Variants in LSM8 observed in about 807,000 individuals in gnomAD.
The protein encoded by LSM8 is LSM8 homolog, U6 small nuclear RNA associated, also known as LSM8 U6 small nuclear RNA associated.
Under a neutral mutation model 15.0 loss-of-function variants are expected in LSM8, and 14 were observed. That is an observed-to-expected ratio of 0.93 (90% CI 0.62 to 1.46). The LOEUF (loss-of-function observed/expected upper bound fraction) is 1.46, where lower values mean the gene tolerates loss of function less well. Among genes scored for constraint, LSM8 ranks in the 40% most tolerant of loss-of-function variants. LSM8 has a pLI of 0.00. For missense variants in LSM8, 90 were observed against 115.4 expected (o/e 0.78, Z 1.01); for synonymous variants, 50 against 42.1 (o/e 1.19, Z -0.73).
Position 118,201,301 on chromosome 7 carries a change from A to G in LSM8, c.*9299A>G, listed in dbSNP as rs1226866439. Among the ~76,000 whole-genome samples the G allele has an allele frequency of 3.9e-5, 6 of 152,064 alleles. No homozygotes were observed. Among genetic ancestry groups the G allele is most frequent in the Non-Finnish European group, 8.8e-5 (6 of 67,988 alleles). On this transcript the variant is annotated 3_prime_UTR_variant, in exon 4 of 4. Coordinates refer to ENST00000249299, the MANE Select transcript of LSM8 (RefSeq NM_016200.5). The stretch of plus-strand genomic sequence containing the variant: ...TAATACTAAGTATGTGTGAGCCTGG[A>G]GCTGCCATGGAGCATGTAGAGAGAG...
Position 118,195,491 on chromosome 7 carries a change from T to G in LSM8, c.*3489T>G, listed in dbSNP as rs1809063726. ...TCAGCTTTTTAAGCGTCTGTCCCAC[T>G]GACTACCATATCTCTACAAGAGAAT... On this transcript the variant is annotated 3_prime_UTR_variant, in exon 4 of 4. Transcript: ENST00000249299. Among the ~76,000 whole-genome samples, 1 of 152,212 alleles carries G rather than the reference T, an allele frequency of 6.6e-6. No individual in the cohort carries two copies. The highest frequency in any genetic ancestry group is 2.4e-5 in the African/African-American group (1 of 41,462).
At position 118,194,008 on chromosome 7, in the gene LSM8, A is replaced by G. The variant is rs1225949635; in HGVS notation, c.*2006A>G. 6.6e-6 allele frequency among the ~76,000 whole-genome samples: 1 copy of G among 152,152 alleles called. No individual in the cohort carries two copies. Among genetic ancestry groups the G allele is most frequent in the African/African-American group, 2.4e-5 (1 of 41,450 alleles). On this transcript the variant is annotated 3_prime_UTR_variant, in exon 4 of 4. Coordinates refer to ENST00000249299, the MANE Select transcript of LSM8 (RefSeq NM_016200.5). ...ATGAATAGTTACAGAGGATGTGATG[A>G]CAATATGCCAGATAATCTATGTAAT...
chr7:118,189,220 A>C (rs1004744003), intron 3 of LSM8: 1 of 151,476 alleles, frequency 6.6e-6, no homozygotes, highest in East Asian at 1.9e-4. Context: ...AGATCACCCT[A>C]CTGCACTCCA....
chr7:118,199,644 A>G lies in LSM8; in HGVS notation c.*7642A>G, dbSNP rs139042471. Among the ~76,000 whole-genome samples, 812 of 152,270 alleles carry G rather than the reference A, an allele frequency of 5.3e-3. 1 individual carries two copies. Among genetic ancestry groups the G allele is most frequent in the Non-Finnish European group, 8.3e-3 (563 of 68,014 alleles). On this transcript the variant is annotated 3_prime_UTR_variant, in exon 4 of 4. Coordinates refer to ENST00000249299, the MANE Select transcript of LSM8 (RefSeq NM_016200.5). ...AAGTAACTTTGCAACAATCTGTTCA[A>G]CAATGAGAGTTACCAAATGCCAGAC... is the stretch of plus-strand genomic sequence containing the variant.
At chr7:118,186,570 G>A (rs1808893282) in intron 2 of LSM8, among the ~76,000 whole-genome samples, 1 of 151,926 alleles carries the variant, frequency 6.6e-6, no homozygotes, top group Non-Finnish European at 1.5e-5. Flanking sequence ...CATGTGCCAG[G>A]TGCATATATG....
In LSM8 at chr7:118,195,912, T is replaced by A. The variant is rs1215732549; in HGVS notation, c.*3910T>A. Among the ~76,000 whole-genome samples the A allele has an allele frequency of 1.3e-5, 2 of 152,140 alleles. No individual in the cohort carries two copies. Among genetic ancestry groups the A allele is most frequent in the East Asian group, 3.8e-4 (2 of 5,196 alleles). ...TGCTCCCATTAAACTAGCGACAAAT[T>A]CATTTAATTGTGAGATATCTAGTAC... On this transcript the variant is annotated 3_prime_UTR_variant, in exon 4 of 4. Transcript: ENST00000249299.
intron 2 of LSM8, among the ~76,000 whole-genome samples, chr7:118,185,969 C>T (rs1182567420): frequency 6.6e-6 from 1 of 152,128 alleles, no homozygotes; most frequent in Non-Finnish European, 1.5e-5. Context: ...TTTTCTTCTT[C>T]CATTTTTATT....
chr7:118,190,049 C>G (rs569164785), intron 3 of LSM8: 3 of 152,254 alleles, frequency 2.0e-5, no homozygotes, highest in African/African-American at 7.2e-5. Flanking sequence ...GCAAAAGATA[C>G]ATTAGCAATT....
At position 118,193,974 on chromosome 7, in the gene LSM8, A is replaced by G. The variant is rs1809032487; in HGVS notation, c.*1972A>G. ...AAAAAGCATTCCCAAAATGTGAATT[A>G]TTGTTTTTATGAATAGTTACAGAGG... is the stretch of plus-strand genomic sequence containing the variant. On this transcript the variant is annotated 3_prime_UTR_variant, in exon 4 of 4. Coordinates refer to ENST00000249299, the MANE Select transcript of LSM8 (RefSeq NM_016200.5). Among the ~76,000 whole-genome samples, 1 of 152,096 alleles carries G rather than the reference A, an allele frequency of 6.6e-6. No individual in the cohort carries two copies. Among genetic ancestry groups the G allele is most frequent in the South Asian group, 2.1e-4 (1 of 4,834 alleles).
rs965589738 is a variant in LSM8 at position 118,198,264 on chromosome 7, AGAT to A, written c.*6263_*6265del. 1.3e-5 allele frequency among the ~76,000 whole-genome samples: 2 copies of A among 152,204 alleles called. No individual in the cohort carries two copies. The highest frequency in any genetic ancestry group is 2.4e-5 in the African/African-American group (1 of 41,462). On this transcript the variant is annotated 3_prime_UTR_variant, in exon 4 of 4. Coordinates refer to ENST00000249299, the MANE Select transcript of LSM8 (RefSeq NM_016200.5). ...AAGGTTAGATTTCTTTGGTGTGAAA[AGAT>A]AAATGAGAAATGAGAATATGCCAGA...
chr7:118,193,929 A>G lies in LSM8; in HGVS notation c.*1927A>G, dbSNP rs1809032033. Reference sequence around the variant, plus strand: ...AATCTGAAACACCTTATAAAGCTGTATTTTCCTGATTGATGTTGGAAAAAG... The same window carrying G: ...AATCTGAAACACCTTATAAAGCTGTGTTTTCCTGATTGATGTTGGAAAAAG... On this transcript the variant is annotated 3_prime_UTR_variant, in exon 4 of 4. Transcript: ENST00000249299. Among the ~76,000 whole-genome samples, 1 of 152,076 alleles carries G rather than the reference A, an allele frequency of 6.6e-6. No individual in the cohort carries two copies. The highest frequency in any genetic ancestry group is 1.5e-5 in the Non-Finnish European group (1 of 67,946).
At chr7:118,188,489 A>T (rs148071214) in intron 3 of LSM8, 84 bp downstream of exon 3, 20 of 1,226,404 alleles carry the variant, frequency 1.6e-5, no homozygotes, top group Non-Finnish European at 4.6e-6. Context: ...ACCCTACTGT[A>T]TTGTCCATAC....
chr7:118,193,027 A>G lies in LSM8; in HGVS notation c.*1025A>G, dbSNP rs1271433905. ...TCTTTGTGATGAGAAGAACATAGAA[A>G]AATATTTACATCCTTGTAATTGAAA... On this transcript the variant is annotated 3_prime_UTR_variant, in exon 4 of 4. Transcript: ENST00000249299. Among the ~76,000 whole-genome samples, 3 of 152,170 alleles carry G rather than the reference A, an allele frequency of 2.0e-5. No homozygotes were observed. Among genetic ancestry groups the G allele is most frequent in the Non-Finnish European group, 4.4e-5 (3 of 67,990 alleles).
At position 118,196,018 on chromosome 7, in the gene LSM8, G is replaced by T. The variant is rs1195256324; in HGVS notation, c.*4016G>T. 1.3e-5 allele frequency among the ~76,000 whole-genome samples: 2 copies of T among 152,174 alleles called. No individual in the cohort carries two copies. The highest frequency in any genetic ancestry group is 2.9e-5 in the Non-Finnish European group (2 of 68,032). On this transcript the variant is annotated 3_prime_UTR_variant, in exon 4 of 4. Coordinates refer to ENST00000249299, the MANE Select transcript of LSM8 (RefSeq NM_016200.5). ...GATGTGATCTTCATTCCTCTGTATA[G>T]TGGGAAACCATGAGACGTGCTTAGT...
Position 118,195,292 on chromosome 7 carries a change from A to G in LSM8, c.*3290A>G, listed in dbSNP as rs750475193. Among the ~76,000 whole-genome samples, 7 of 152,234 alleles carry G rather than the reference A, an allele frequency of 4.6e-5. No individual in the cohort carries two copies. The highest frequency in any genetic ancestry group is 2.9e-5 in the Non-Finnish European group (2 of 68,034). The stretch of plus-strand genomic sequence containing the variant: ...ACCCCACAGAATTGATTTCAAACAC[A>G]GGATCTTATTCAAGATAAGGATAAT... On this transcript the variant is annotated 3_prime_UTR_variant, in exon 4 of 4. Coordinates refer to ENST00000249299, the MANE Select transcript of LSM8 (RefSeq NM_016200.5).
At chr7:118,189,536 A>C (rs1187469215) in intron 3 of LSM8, 2 of 151,656 alleles carry the variant, frequency 1.3e-5, no homozygotes, top group Admixed American at 1.3e-4. Flanking sequence ...CAACAAGAGC[A>C]AAACTCCGTG....
chr7:118,196,723 T>TATTC lies in LSM8; in HGVS notation c.*4724_*4725insCATT, dbSNP rs1242118302. ...ATTTTTATTTATTTATTTATTTATT[T>TATTC]ATTTATTTATTTATTTATTTATTTT... On this transcript the variant is annotated 3_prime_UTR_variant, in exon 4 of 4. Transcript: ENST00000249299. Among the ~76,000 whole-genome samples, 1 of 147,842 alleles carries TATTC rather than the reference T, an allele frequency of 6.8e-6. No homozygotes were observed. Among genetic ancestry groups the TATTC allele is most frequent in the Non-Finnish European group, 1.5e-5 (1 of 66,906 alleles).
At position 118,188,299 on chromosome 7, in the gene LSM8, C is replaced by T. The variant is rs1808918854; in HGVS notation, c.94C>T (p.Gln32Ter). Residue 32 changes from glutamine (Q) to a stop codon, truncating the protein, a stop_gained, in exon 3 of 4, where the codon CAG (glutamine) becomes TAG (stop). Coordinates refer to ENST00000249299, the MANE Select transcript of LSM8 (RefSeq NM_016200.5). LOFTEE classifies it high-confidence loss of function. ...ACAGGGAACACTGAAAGGTTTTGAC[C>T]AGACCATTAATTTGATTTTGGATGA... ...MIVGTLKGFD[Q>*]TINLILDESH... is the part of the protein sequence containing the mutation. The T allele has an allele frequency of 6.2e-7, 1 of 1,613,450 alleles. No homozygotes were observed. Among genetic ancestry groups the T allele is most frequent in the Non-Finnish European group, 8.5e-7 (1 of 1,179,598 alleles).
At chr7:118,191,478 CAA>C (rs1430483796) in intron 3 of LSM8, 1 of 153,278 alleles carries the variant, frequency 6.5e-6, no homozygotes, top group Non-Finnish European at 1.5e-5. Flanking sequence ...TTTAATTCAT[CAA>C]AGTTACTCAA....
Sources: allele counts gnomAD v4.1 joint callset (sites outside exome capture counted in the v4.1 genomes callset), GRCh38; gene constraint gnomAD v4.1.1; transcripts MANE v1.5; gene names NCBI Gene and HGNC (gene_info 2026-07-23, HGNC 2026-07-21).